Variants in TMEM272 observed in about 807,000 individuals in gnomAD.
The protein encoded by TMEM272 is long intergenic non-protein coding RNA 282.
A neutral mutation model predicts 3.7 loss-of-function variants in TMEM272; 8 were observed. The observed-to-expected ratio is 2.17, with a 90% CI of 1.27 to 3.91. The LOEUF is 3.91. Ranked by LOEUF, TMEM272 falls within the 30% of genes most tolerant of loss-of-function variation. The pLI, the probability that TMEM272 is intolerant of heterozygous loss-of-function variation, is 0.00. For synonymous variants in TMEM272, 63 were observed against 39.8 expected (o/e 1.58, Z -2.20); for missense variants, 166 against 91.5 (o/e 1.81, Z -3.32).
At chr13:51,908,006 G>C in the TMEM272 span, among the ~76,000 whole-genome samples, 3 of 152,098 alleles carry the variant, frequency 2.0e-5, no homozygotes, top group Non-Finnish European at 4.4e-5. Context: ...AATTAAAATA[G>C]TTAACACTAT....
At chr13:51,910,637 C>T in the TMEM272 span, 124 of 527,452 alleles carry the variant, frequency 2.4e-4, 3 homozygotes, top group South Asian at 2.1e-3. Context: ...CAAGGCTGCT[C>T]TGGCAGTGGC....
chr13:51,934,361 G>C, the TMEM272 span: 1 of 325,860 alleles, frequency 3.1e-6, no homozygotes, highest in African/African-American at 2.1e-5. Context: ...TGACAGTGAG[G>C]TCTGCAGTTC....
the TMEM272 span, among the ~76,000 whole-genome samples, chr13:51,867,230 G>A: frequency 6.6e-6 from 1 of 152,186 alleles, no homozygotes; most frequent in Non-Finnish European, 1.5e-5. Context: ...CAGCTCTGTG[G>A]GCTGGCAGGG....
the TMEM272 span, among the ~76,000 whole-genome samples, chr13:51,921,911 C>T: frequency 3.4e-4 from 52 of 151,902 alleles, no homozygotes; most frequent in East Asian, 1.2e-3. Context: ...CCACTGTGTG[C>T]GTGTGTGTGT....
chr13:51,848,707 A>G (rs959751148), upstream of TMEM272, among the ~76,000 whole-genome samples: 4 of 152,206 alleles, frequency 2.6e-5, no homozygotes, highest in African/African-American at 9.7e-5. Flanking sequence ...AGCTGTAGAA[A>G]TGAAGGGAGA....
At chr13:51,867,372 G>T in the TMEM272 span, among the ~76,000 whole-genome samples, 1 of 152,206 alleles carries the variant, frequency 6.6e-6, no homozygotes, top group East Asian at 1.9e-4. Context: ...TGGTATTGTG[G>T]CCCTTTCCTA....
At chr13:51,823,686 C>A (rs1374382927) in intron 3 of TMEM272, among the ~76,000 whole-genome samples, 1 of 152,240 alleles carries the variant, frequency 6.6e-6, no homozygotes, top group East Asian at 1.9e-4. Context: ...ACTGTAGAAC[C>A]AAAGCCTCCT....
At chr13:51,830,953 G>A (rs541111164) in intron 2 of TMEM272, among the ~76,000 whole-genome samples, 1 of 150,854 alleles carries the variant, frequency 6.6e-6, no homozygotes, top group African/African-American at 2.5e-5. Context: ...TCTTGCTCGA[G>A]GTCGAATGAG....
intron 2 of TMEM272, among the ~76,000 whole-genome samples, chr13:51,831,457 C>T (rs1022568809): frequency 6.6e-6 from 1 of 152,138 alleles, no homozygotes; most frequent in Non-Finnish European, 1.5e-5. Flanking sequence ...CTCAGGTGAT[C>T]GTAGCCTGTT....
At chr13:51,871,827 CACACACACACACACACAA>C in the TMEM272 span, among the ~76,000 whole-genome samples, 124 of 146,494 alleles carry the variant, frequency 8.5e-4, 1 homozygote, top group African/African-American at 3.0e-3. Flanking sequence ...CACACACACA[CACACACACACACACACAA>C]ACAGAGACGC....
chr13:51,922,976 C>A, the TMEM272 span, among the ~76,000 whole-genome samples: 7 of 152,248 alleles, frequency 4.6e-5, no homozygotes, highest in Admixed American at 3.3e-4. Flanking sequence ...ATGTGCAGGG[C>A]TCCTTTTGCC....
In TMEM272 at chr13:51,816,653, C is replaced by CTGTG. The variant is rs111925186; in HGVS notation, c.*94_*97dup. ...ATTACCTTTATGCCCTTCTCTGAAC[C>CTGTG]TGTGTGTGTGTGTGTGTGTGTGTGC... On this transcript the variant is annotated 3_prime_UTR_variant, in exon 5 of 5. Coordinates refer to ENST00000629372, the MANE Select transcript of TMEM272 (RefSeq NM_001351003.2). 8,477 of 571,732 alleles carry CTGTG rather than the reference C, an allele frequency of 0.015. 70 individuals are homozygous for CTGTG. The highest frequency in any genetic ancestry group is 0.057 in the African/African-American group (3,016 of 52,730). The allele number at this position is 571,732 out of a possible 1,614,324, so 35.4% of individuals were successfully genotyped here. A position where few individuals can be genotyped will look rare whatever the true frequency, so the allele number is the denominator to read the frequency against.
chr13:51,852,752 T>A, the TMEM272 span, among the ~76,000 whole-genome samples: 1 of 151,144 alleles, frequency 6.6e-6, no homozygotes, highest in Non-Finnish European at 1.5e-5. Context: ...GGTGGCGGGC[T>A]TCTGTAATCC....
At chr13:51,886,527 A>G in the TMEM272 span, among the ~76,000 whole-genome samples, 1 of 152,226 alleles carries the variant, frequency 6.6e-6, no homozygotes, top group Non-Finnish European at 1.5e-5. Context: ...AGGATTTGAA[A>G]CCAGGCAGTC....
intron 2 of TMEM272, among the ~76,000 whole-genome samples, chr13:51,829,631 A>G (rs1173822711): frequency 6.6e-6 from 1 of 152,188 alleles, no homozygotes; most frequent in African/African-American, 2.4e-5. Flanking sequence ...ACAAGGATGA[A>G]AAAAAGTGAT....
chr13:51,839,472 C>T (rs1236909616), intron 1 of TMEM272, among the ~76,000 whole-genome samples: 1 of 152,116 alleles, frequency 6.6e-6, no homozygotes, highest in Non-Finnish European at 1.5e-5. Flanking sequence ...CTGGGGCAGG[C>T]ATCCTTACTT....
intron 2 of TMEM272, among the ~76,000 whole-genome samples, chr13:51,836,105 G>A (rs931022925): frequency 2.6e-5 from 4 of 152,180 alleles, no homozygotes; most frequent in Non-Finnish European, 5.9e-5. Flanking sequence ...AAACGTGTTG[G>A]GAAGTGGAGC....
chr13:51,846,180 C>T (rs1039689908), upstream of TMEM272, among the ~76,000 whole-genome samples: 2 of 152,248 alleles, frequency 1.3e-5, no homozygotes, highest in East Asian at 3.9e-4. Context: ...GTGACCACTT[C>T]ACACCACAGG....
At chr13:51,895,406 G>GT in the TMEM272 span, among the ~76,000 whole-genome samples, 3 of 152,162 alleles carry the variant, frequency 2.0e-5, 1 homozygote, top group Admixed American at 2.0e-4. Context: ...ACACTCGGTA[G>GT]TAACTGCAGG....
Sources: allele counts gnomAD v4.1 joint callset (sites outside exome capture counted in the v4.1 genomes callset), GRCh38; gene constraint gnomAD v4.1.1; transcripts MANE v1.5; gene names NCBI Gene and HGNC (gene_info 2026-07-23, HGNC 2026-07-21).